Variants in HS2ST1 observed in about 807,000 individuals in gnomAD.
HS2ST1 encodes the protein 2-O-sulfotransferase.
In HS2ST1, 18 loss-of-function variants were observed where a neutral mutation model predicts 42.9. That is an observed-to-expected ratio of 0.42 (90% confidence interval 0.29 to 0.62). HS2ST1 has a LOEUF of 0.62. HS2ST1 is among the 20% of genes least tolerant of loss of function. HS2ST1 has a pLI of 0.21. For missense variants in HS2ST1, 334 were observed against 433.8 expected, an observed-to-expected ratio of 0.77 and a Z score of 2.04; for synonymous variants, 146 against 152.9, an observed-to-expected ratio of 0.95 and a Z score of 0.33.
rs1354975957 is a variant in HS2ST1 at position 87,084,185 on chromosome 1, C to T, written c.364-9C>T. On this transcript the variant is annotated splice_polypyrimidine_tract_variant and intron_variant, in intron 2 of 6. Coordinates refer to ENST00000370550, the MANE Select transcript of HS2ST1 (RefSeq NM_012262.4). ...AATTGTATATAATGAATGTGTTCTCCCTTTTTAGGTGCGCTTTGTAAAGAA... is the reference window on the plus strand; with the variant it reads ...AATTGTATATAATGAATGTGTTCTCTCTTTTTAGGTGCGCTTTGTAAAGAA... The T allele has an allele frequency of 1.9e-6, 3 of 1,539,720 alleles. No individual in the cohort carries two copies. The highest frequency in any genetic ancestry group is 2.3e-5 in the East Asian group (1 of 43,938).
chr1:86,918,500 A>G (rs1028894780), intron 1 of HS2ST1, among the ~76,000 whole-genome samples: 1 of 151,934 alleles, frequency 6.6e-6, no homozygotes, highest in African/African-American at 2.4e-5. Context: ...ACATATATAT[A>G]TAATTTTTTT....
At chr1:86,930,933 A>T (rs1448126240) in intron 1 of HS2ST1, among the ~76,000 whole-genome samples, 1 of 152,060 alleles carries the variant, frequency 6.6e-6, no homozygotes, top group Non-Finnish European at 1.5e-5. Context: ...TTGGGCATTT[A>T]TAGTATGTTG....
At chr1:86,919,496 C>T (rs1334078131) in intron 1 of HS2ST1, among the ~76,000 whole-genome samples, 2 of 152,126 alleles carry the variant, frequency 1.3e-5, no homozygotes, top group African/African-American at 2.4e-5. Context: ...ATGATTTTCT[C>T]AGTAAATCAT....
rs1276015688 is a variant in HS2ST1 at position 87,101,133 on chromosome 1, T to TTGTG, written c.687-2285_687-2282dup. The stretch of plus-strand genomic sequence containing the variant: ...TGCCAGATGTCCTAAGTCATCACTT[T>TTGTG]TGTGTGTGTGTGTGTGTTTTTTGTT... On this transcript the variant is annotated intron_variant, in intron 5 of 6. Transcript: ENST00000370550. Among the ~76,000 whole-genome samples, 199 of 146,928 alleles carry TTGTG rather than the reference T, an allele frequency of 1.4e-3. 5 individuals are homozygous for TTGTG. Among genetic ancestry groups the TTGTG allele is most frequent in the African/African-American group, 4.8e-3 (190 of 39,322 alleles).
intron 1 of HS2ST1, among the ~76,000 whole-genome samples, chr1:87,036,734 A>T (rs1027067346): frequency 6.6e-6 from 1 of 152,162 alleles, no homozygotes; most frequent in Non-Finnish European, 1.5e-5. Flanking sequence ...TGATATCAGG[A>T]TGACAATGTC....
At chr1:86,982,059 C>T (rs1648610629) in intron 1 of HS2ST1, among the ~76,000 whole-genome samples, 1 of 152,252 alleles carries the variant, frequency 6.6e-6, no homozygotes, top group African/African-American at 2.4e-5. Context: ...AGGCCCAACA[C>T]CACATGGAAG....
intron 1 of HS2ST1, chr1:87,046,008 G>T: frequency 5.7e-6 from 4 of 696,214 alleles, no homozygotes; most frequent in Non-Finnish European, 1.1e-5. Context: ...AAAGGCACAG[G>T]TTGCCAGGGA....
intron 1 of HS2ST1, among the ~76,000 whole-genome samples, chr1:87,026,363 G>A (rs1335028723): frequency 4.6e-5 from 7 of 152,202 alleles, no homozygotes; most frequent in Non-Finnish European, 1.5e-5. Flanking sequence ...TTTTGTCTGA[G>A]TGCAGGCATT....
At chr1:87,085,356 A>G (rs1651795807) in intron 3 of HS2ST1, among the ~76,000 whole-genome samples, 1 of 152,210 alleles carries the variant, frequency 6.6e-6, no homozygotes, top group Non-Finnish European at 1.5e-5. Context: ...GTTTTACTTA[A>G]TTTTGAAAAG....
intron 1 of HS2ST1, among the ~76,000 whole-genome samples, chr1:86,988,988 A>G (rs1423372999): frequency 6.6e-6 from 1 of 152,232 alleles, no homozygotes; most frequent in African/African-American, 2.4e-5. Flanking sequence ...TTCATGGGAA[A>G]CGGTCAAAGA....
chr1:87,066,476 T>C (rs1299821479), intron 1 of HS2ST1, among the ~76,000 whole-genome samples: 1 of 152,176 alleles, frequency 6.6e-6, no homozygotes. Flanking sequence ...TCTTGAACAA[T>C]GTGGGAGCTA....
intron 1 of HS2ST1, among the ~76,000 whole-genome samples, chr1:86,955,007 C>T (rs968504890): frequency 4.6e-5 from 7 of 151,752 alleles, no homozygotes; most frequent in African/African-American, 7.3e-5. Context: ...CTGAGGTGGG[C>T]GAATCACTTG....
chr1:86,925,468 C>A (rs1364233838), intron 1 of HS2ST1, among the ~76,000 whole-genome samples: 1 of 152,166 alleles, frequency 6.6e-6, no homozygotes, highest in Non-Finnish European at 1.5e-5. Flanking sequence ...CAACAATTAA[C>A]TAAAAGACGT....
intron 1 of HS2ST1, among the ~76,000 whole-genome samples, chr1:86,978,713 G>T (rs1648494315): frequency 6.6e-6 from 1 of 151,956 alleles, no homozygotes; most frequent in African/African-American, 2.4e-5. Flanking sequence ...TATAATAATA[G>T]AAATGGAATT....
At chr1:87,056,079 G>A (rs992239502) in intron 1 of HS2ST1, among the ~76,000 whole-genome samples, 5 of 152,090 alleles carry the variant, frequency 3.3e-5, no homozygotes, top group Non-Finnish European at 7.4e-5. Flanking sequence ...TTGAGAGGTG[G>A]TGGGACCTTT....
intron 1 of HS2ST1, chr1:86,934,327 A>G (rs1183975098): frequency 6.6e-6 from 1 of 151,978 alleles, no homozygotes; most frequent in Non-Finnish European, 1.5e-5. Context: ...GCTAGAGGGA[A>G]TTTTTCTTTG....
At chr1:87,023,944 G>A (rs748584263) in intron 1 of HS2ST1, among the ~76,000 whole-genome samples, 8 of 151,982 alleles carry the variant, frequency 5.3e-5, no homozygotes, top group Non-Finnish European at 1.0e-4. Flanking sequence ...TTGGAGAAAG[G>A]GCTAACAGGA....
chr1:86,983,511 A>G (rs892365390), intron 1 of HS2ST1, among the ~76,000 whole-genome samples: 1 of 152,082 alleles, frequency 6.6e-6, no homozygotes, highest in Non-Finnish European at 1.5e-5. Context: ...TTATGATCCA[A>G]TCACCTCCCT....
intron 1 of HS2ST1, among the ~76,000 whole-genome samples, chr1:86,954,049 A>T (rs1348794865): frequency 7.0e-6 from 1 of 142,688 alleles, no homozygotes. Flanking sequence ...TTAAAAAAAA[A>T]AAAAAAAAAA....
Sources: allele counts gnomAD v4.1 joint callset (sites outside exome capture counted in the v4.1 genomes callset), GRCh38; gene constraint gnomAD v4.1.1; transcripts MANE v1.5; gene names NCBI Gene and HGNC (gene_info 2026-07-23, HGNC 2026-07-21).